The following NOTCH4 variants were observed in gnomAD, a reference collection of about 807,000 sequenced individuals.
NOTCH4 encodes the protein notch receptor 4.
NOTCH4 carries 138 observed loss-of-function variants against 189.0 expected under a neutral mutation model. The observed-to-expected ratio is 0.73, with a 90% CI of 0.64 to 0.84. The LOEUF (loss-of-function observed/expected upper bound fraction) is 0.84. NOTCH4 is among the 40% of genes least tolerant of loss of function. The pLI is 0.00. For missense variants in NOTCH4, 2,286 were observed against 2,605.4 expected, an observed-to-expected ratio of 0.88 and a Z score of 2.67; for synonymous variants, 942 against 1,032.8, an observed-to-expected ratio of 0.91 and a Z score of 1.69.
Position 32,222,515 on chromosome 6 carries a change from C to G in NOTCH4, c.447G>C (p.Trp149Cys), listed in dbSNP as rs767184173. ...GCTGCCCCCAGCAGCGCTTACCTGT[C>G]CATCCAGGCATGCAGGAGCACTGTG... ...GRPQCSCMPG[W>C]TGEQCQLRDF... is the part of the protein sequence containing the mutation. Residue 149 changes from tryptophan to cysteine, a missense_variant, in exon 3 of 30, where the codon TGG (tryptophan) becomes TGC (cysteine). Transcript: ENST00000375023. 2.0e-6 allele frequency: 3 copies of G among 1,526,482 alleles called. No individual in the cohort carries two copies. Among genetic ancestry groups the G allele is most frequent in the Non-Finnish European group, 2.6e-6 (3 of 1,142,534 alleles). 94.6% of individuals were successfully genotyped at this position (1,526,482 alleles called of 1,614,324 possible).
At chr6:32,207,615 G>C (rs1260326268) in intron 18 of NOTCH4, among the ~76,000 whole-genome samples, 1 of 127,038 alleles carries the variant, frequency 7.9e-6, no homozygotes, top group African/African-American at 3.0e-5. Flanking sequence ...CAGGGCAACA[G>C]AGCAAGACTC....
In NOTCH4 at chr6:32,203,793, C is replaced by T. The variant is rs1424338671; in HGVS notation, c.3208G>A (p.Gly1070Ser). The change falls in exon 20 of 30, where the codon GGT becomes AGT. Residue 1070 changes from glycine to serine, a missense_variant. Transcript: ENST00000375023. ...GCCTTGGGGCAGTGGCAGATGAAAC[C>T]CAGGGGTGATCCTGCTGTGGCCTCA... ...TCEATAGSPL[G>S]FICHCPKGFE... The T allele has an allele frequency of 1.3e-6, 2 of 1,557,870 alleles. No individual in the cohort carries two copies. The highest frequency in any genetic ancestry group is 1.7e-6 in the Non-Finnish European group (2 of 1,150,514).
At chr6:32,209,414 A>C (rs1788878983) in intron 18 of NOTCH4, among the ~76,000 whole-genome samples, 2 of 152,228 alleles carry the variant, frequency 1.3e-5, no homozygotes, top group South Asian at 4.1e-4. Flanking sequence ...GTCATATAGA[A>C]GGAATAAGTT....
chr6:32,195,612 GT>G lies in NOTCH4; in HGVS notation c.5836del (p.Thr1946ArgfsTer50). 1.9e-6 allele frequency: 3 copies of G among 1,613,078 alleles called. No individual in the cohort carries two copies. Among genetic ancestry groups the G allele is most frequent in the Non-Finnish European group, 2.5e-6 (3 of 1,180,018 alleles). The stretch of plus-strand genomic sequence containing the variant: ...CACCCAATCACAGGGCCAGTCATCC[GT>G]TGAGACCCTGCCTCCGCGCCCGGCA... ...VAAGRGGRVS[T>X]DDWPCDWVAL... On this transcript the variant is annotated frameshift_variant, in exon 30 of 30. Transcript: ENST00000375023. LOFTEE classifies it low-confidence loss of function (END_TRUNC). The surrounding 1 kb of genome is among the most constrained non-coding windows in gnomAD (Gnocchi z 5.4).
chr6:32,213,907 C>G, intron 13 of NOTCH4, 67 bp from the exon 14 acceptor site: 1 of 1,565,312 alleles, frequency 6.4e-7, no homozygotes, highest in Non-Finnish European at 8.7e-7. Flanking sequence ...CCTTCTCTTT[C>G]CTCTTCCTTC....
At chr6:32,220,922 G>C (rs1789726385) in intron 4 of NOTCH4, 44 bp from the exon 5 acceptor site, 1 of 1,604,834 alleles carries the variant, frequency 6.2e-7, no homozygotes, top group Admixed American at 1.7e-5. Flanking sequence ...CTCCAACGGA[G>C]ACATCCTGCC....
At chr6:32,214,398 GC>G (rs1293125885) in intron 12 of NOTCH4, 143 bp from the exon 13 acceptor site, 8 of 770,300 alleles carry the variant, frequency 1.0e-5, no homozygotes, top group Non-Finnish European at 1.5e-5. Flanking sequence ...TCTCAGCACC[GC>G]CCCCATCCTC....
Position 32,202,834 on chromosome 6 carries a change from C to T in NOTCH4, c.3232-235G>A. ...ATGGATGAAGCACAGCTGTGTGCAA[C>T]AACCTGATGGACTGTGGCATTACAG... On this transcript the variant is annotated intron_variant, in intron 20 of 29. Coordinates refer to ENST00000375023, the MANE Select transcript of NOTCH4 (RefSeq NM_004557.4). This position sits in a 1 kb window ranked among gnomAD's most constrained non-coding sequence, Gnocchi z 5.7. 1 of 470,412 alleles carries T rather than the reference C, an allele frequency of 2.1e-6. No homozygotes were observed. The highest frequency in any genetic ancestry group is 3.8e-6 in the Non-Finnish European group (1 of 264,644). 29.1% of individuals were successfully genotyped at this position (470,412 alleles called of 1,614,324 possible). A position where few individuals can be genotyped will look rare whatever the true frequency, so the allele number is the denominator to read the frequency against.
At chr6:32,209,331 G>C (rs922821225) in intron 18 of NOTCH4, among the ~76,000 whole-genome samples, 2 of 152,146 alleles carry the variant, frequency 1.3e-5, no homozygotes, top group Non-Finnish European at 2.9e-5. Context: ...GTAGAATGAT[G>C]GTTACCAGAG....
At chr6:32,213,961 G>A (rs1015352098) in intron 13 of NOTCH4, 121 bp from the exon 14 acceptor site, 51 of 1,436,296 alleles carry the variant, frequency 3.6e-5, no homozygotes, top group Middle Eastern at 2.4e-4. Flanking sequence ...ATCAACCTCC[G>A]TTCTCACCAC....
rs8192564 is a variant in NOTCH4, at chr6:32,224,045, G to T, written c.-117C>A. 3 of 1,074,542 alleles carry T rather than the reference G, an allele frequency of 2.8e-6. No individual in the cohort carries two copies. In the South Asian group the frequency reaches 4.9e-5, roughly 18 times the overall value. 66.6% of individuals were successfully genotyped at this position (1,074,542 alleles called of 1,614,324 possible). ...CCCACTGCCCCTCTTCTTCCTCCTC[G>T]GCCTGCTGCAAGCCTCACGTCTGAG... On this transcript the variant is annotated 5_prime_UTR_variant, in exon 1 of 30. Transcript: ENST00000375023.
rs1788135027 is a variant in NOTCH4, at chr6:32,198,679, T to C, written c.4587A>G (p.Ser1529=). The change falls in exon 25 of 30, where the codon TCA becomes TCG. Residue 1529 remains serine, a synonymous_variant. Coordinates refer to ENST00000375023, the MANE Select transcript of NOTCH4 (RefSeq NM_004557.4). This position sits in a 1 kb window ranked among gnomAD's most constrained non-coding sequence, Gnocchi z 5.5. ...CCACCTCCTCTCCCTCCTCAGGGCC[T>C]GAGCACATCACAACTCCATCCTCAT... The part of the protein sequence containing the change: ...EVDEDGVVMC[S]GPEEGEEVGQ... 5 of 1,612,708 alleles carry C rather than the reference T, an allele frequency of 3.1e-6. No homozygotes were observed. Among genetic ancestry groups the C allele is most frequent in the Non-Finnish European group, 4.2e-6 (5 of 1,179,836 alleles).
Position 32,212,524 on chromosome 6 carries a change from G to T in NOTCH4, c.2630C>A (p.Pro877His), listed in dbSNP as rs747938254. The change falls in exon 17 of 30, where the codon CCT (proline) becomes CAT (histidine). Residue 877 changes from proline to histidine, a missense_variant. By Grantham distance (77) the Pro-to-His change is moderately conservative. Coordinates refer to ENST00000375023, the MANE Select transcript of NOTCH4 (RefSeq NM_004557.4). The surrounding 1 kb of genome is among the most constrained non-coding windows in gnomAD (Gnocchi z 4.4). ...HCLCLQGWTG[P>H]LCNLPLSSCQ... The stretch of plus-strand genomic sequence containing the variant: ...GGAGGACAGTGGAAGGTTGCAGAGA[G>T]GCCCGGTCCATCCCTGGAGGCACAA... The T allele has an allele frequency of 6.2e-7, 1 of 1,613,190 alleles. No individual in the cohort carries two copies. Among genetic ancestry groups the T allele is most frequent in the East Asian group, 2.2e-5 (1 of 44,866 alleles).
chr6:32,197,386 C>T lies in NOTCH4; in HGVS notation c.4965G>A (p.Glu1655=). 6.5e-7 allele frequency: 1 copy of T among 1,540,054 alleles called. No individual in the cohort carries two copies. The highest frequency in any genetic ancestry group is 8.7e-7 in the Non-Finnish European group (1 of 1,143,580). The change falls in exon 27 of 30, where the codon GAG becomes GAA. Residue 1655 remains glutamate, a synonymous_variant. Transcript: ENST00000375023. ...SRPTAARRLL[E]AGANPNQPDR... is the part of the protein sequence containing the mutation. The stretch of plus-strand genomic sequence containing the variant: ...CTGGCTGGTTGGGGTTGGCTCCAGC[C>T]TCAAGGAGGCGGCGGGCAGCGGTTG...
At position 32,220,149 on chromosome 6, in the gene NOTCH4, T is replaced by A. The variant is rs1245667221; in HGVS notation, c.1295A>T (p.Asp432Val). 6.2e-7 allele frequency: 1 copy of A among 1,613,738 alleles called. No homozygotes were observed. The stretch of plus-strand genomic sequence containing the variant: ...CTCACCCATCAGACACTCGTCCAGG[T>A]CCTGGTGGCAGGTGGGCCCCGAATA... ...PGYSGPTCHQDLDECLMAQQG... is the reference protein window; with the variant it reads ...PGYSGPTCHQVLDECLMAQQG... Residue 432 changes from aspartate (D) to valine (V), a missense_variant, in exon 7 of 30, where the codon GAC (aspartate) becomes GTC (valine). Asp to Val is a radical substitution (Grantham distance 152). Coordinates refer to ENST00000375023, the MANE Select transcript of NOTCH4 (RefSeq NM_004557.4).
Position 32,222,562 on chromosome 6 carries a change from G to T in NOTCH4, c.400C>A (p.His134Asn). ...PSFCSKRGRC[H>N]IQASGRPQCS... is the part of the protein sequence containing the mutation. The stretch of plus-strand genomic sequence containing the variant: ...TGTGGGCGGCCCGAGGCCTGGATGT[G>T]GCAGCGGCCCCTTTTGGAACAGAAG... Residue 134 changes from histidine to asparagine, a missense_variant, in exon 3 of 30, where the codon CAC becomes AAC. Around this residue, in one of 2 missense-constraint regions of NOTCH4, gnomAD observed 1,903 missense variants for 2,261.9 expected, o/e 0.84. Coordinates refer to ENST00000375023, the MANE Select transcript of NOTCH4 (RefSeq NM_004557.4). 6.3e-7 allele frequency: 1 copy of T among 1,582,422 alleles called. No homozygotes were observed. Among genetic ancestry groups the T allele is most frequent in the African/African-American group, 1.4e-5 (1 of 73,126 alleles).
Position 32,210,935 on chromosome 6 carries a change from G to A in NOTCH4, c.2682C>T (p.Gly894=), listed in dbSNP as rs1268161234. Residue 894 remains glycine, a splice_region_variant and synonymous_variant, in exon 18 of 30, where the codon GGC becomes GGT. Coordinates refer to ENST00000375023, the MANE Select transcript of NOTCH4 (RefSeq NM_004557.4). The surrounding 1 kb of genome is among the most constrained non-coding windows in gnomAD (Gnocchi z 4.8). ...SSCQKAALSQ[G]IDVSSLCHNG... Reference sequence around the variant, plus strand: ...TGTGGCAAAGGGAAGAGACGTCTATGCCTGGGGAGAGAGACAAACAGGGAT... The same window carrying A: ...TGTGGCAAAGGGAAGAGACGTCTATACCTGGGGAGAGAGACAAACAGGGAT... 1 of 1,583,012 alleles carries A rather than the reference G, an allele frequency of 6.3e-7. No individual in the cohort carries two copies. Among genetic ancestry groups the A allele is most frequent in the Non-Finnish European group, 8.6e-7 (1 of 1,165,572 alleles).
Position 32,195,287 on chromosome 6 carries a change from G to T in NOTCH4, c.*150C>A. On this transcript the variant is annotated 3_prime_UTR_variant, in exon 30 of 30. Transcript: ENST00000375023. This position sits in a 1 kb window ranked among gnomAD's most constrained non-coding sequence, Gnocchi z 5.4. Reference sequence around the variant, plus strand: ...GCTGCAGCTTCTCCACGTGGAAGATGTCTGCTCTGGTGGGCATACATTCAT... The same window carrying T: ...GCTGCAGCTTCTCCACGTGGAAGATTTCTGCTCTGGTGGGCATACATTCAT... 1 of 715,512 alleles carries T rather than the reference G, an allele frequency of 1.4e-6. No individual in the cohort carries two copies. The highest frequency in any genetic ancestry group is 2.2e-6 in the Non-Finnish European group (1 of 447,740). 44.3% of individuals were successfully genotyped at this position (715,512 alleles called of 1,614,324 possible). A position where few individuals can be genotyped will look rare whatever the true frequency, so the allele number is the denominator to read the frequency against.
In NOTCH4 at chr6:32,208,405, G is replaced by A. The variant is rs978881393; in HGVS notation, c.2865+2347C>T. 2.6e-5 allele frequency among the ~76,000 whole-genome samples: 4 copies of A among 152,192 alleles called. No homozygotes were observed. In the East Asian group the frequency reaches 7.7e-4, roughly 29 times the overall value. ...GAAATGTAAATCAAAACCACAATGAGATATCATCTCACACCAGTTAAAGTG... is the reference window on the plus strand; with the variant it reads ...GAAATGTAAATCAAAACCACAATGAAATATCATCTCACACCAGTTAAAGTG... On this transcript the variant is annotated intron_variant, in intron 18 of 29. Transcript: ENST00000375023.
Sources: gnomAD v4.1 joint callset for allele counts (sites outside exome capture counted in the v4.1 genomes callset) on GRCh38, gnomAD v4.1.1 for gene constraint, gnomAD v4.1.1 regional missense constraint, Gnocchi (gnomAD v3.1) non-coding constraint, MANE v1.5 for transcripts, NCBI Gene and HGNC (gene_info 2026-07-23, HGNC 2026-07-21) for gene names.